Variants in SLC13A4 observed in about 807,000 individuals in gnomAD.
SLC13A4 encodes solute carrier family 13 member 4, also known as Na(+)/sulfate cotransporter SUT-1.
SLC13A4 carries 28 observed loss-of-function variants against 72.7 expected under a neutral mutation model. The observed-to-expected ratio is 0.39, with a 90% CI of 0.29 to 0.53. The LOEUF (loss-of-function observed/expected upper bound fraction) is 0.53. Ranked by LOEUF, SLC13A4 falls within the 20% of genes least tolerant of loss-of-function variation. The pLI is 0.78. For synonymous variants in SLC13A4, 312 were observed against 325.5 expected, an observed-to-expected ratio of 0.96 and a Z score of 0.45; for missense variants, 653 against 788.0, an observed-to-expected ratio of 0.83 and a Z score of 2.05.
intron 13 of SLC13A4, 77 bp downstream of exon 13, chr7:135,691,124 A>C: frequency 1.5e-6 from 2 of 1,365,350 alleles, no homozygotes; most frequent in Non-Finnish European, 2.0e-6. Flanking sequence ...AGATTGTGCC[A>C]CTGCACTCCA....
chr7:135,699,641 G>C (rs1377875732), intron 7 of SLC13A4, 93 bp from the exon 8 acceptor site: 2 of 1,159,930 alleles, frequency 1.7e-6, no homozygotes, highest in East Asian at 2.6e-5. Flanking sequence ...CAGCGGAAAG[G>C]GTTTGAGCTT....
chr7:135,709,984 GA>G (rs1796262203), intron 2 of SLC13A4, among the ~76,000 whole-genome samples: 1 of 152,148 alleles, frequency 6.6e-6, no homozygotes, highest in African/African-American at 2.4e-5. Context: ...ACACCTAGTA[GA>G]ATAATATGCA....
At chr7:135,709,425 TA>T (rs67676992) in intron 2 of SLC13A4, among the ~76,000 whole-genome samples, 4 of 147,390 alleles carry the variant, frequency 2.7e-5, no homozygotes, top group African/African-American at 7.5e-5. Flanking sequence ...CTTTTTTTTT[TA>T]AAAAAAAATT....
At chr7:135,705,822 A>G in intron 4 of SLC13A4, 172 bp from the exon 5 acceptor site, 1 of 629,966 alleles carries the variant, frequency 1.6e-6, no homozygotes, top group South Asian at 2.0e-5. Flanking sequence ...GACTGGCCCC[A>G]GGGTTTTGCA....
At chr7:135,686,464 C>A (rs925821182) in intron 13 of SLC13A4, among the ~76,000 whole-genome samples, 2 of 152,138 alleles carry the variant, frequency 1.3e-5, no homozygotes, top group African/African-American at 4.8e-5. Context: ...CAGTCTCAAC[C>A]TCCTGGGTTC....
At chr7:135,724,744 A>T (rs937810872) in intron 1 of SLC13A4, among the ~76,000 whole-genome samples, 5 of 152,200 alleles carry the variant, frequency 3.3e-5, no homozygotes, top group Admixed American at 1.3e-4. Flanking sequence ...TTTTCCTTAG[A>T]GTAGAAGAAT....
intron 1 of SLC13A4, among the ~76,000 whole-genome samples, chr7:135,725,931 C>T (rs3112366): frequency 0.62 from 94,045 of 152,040 alleles, 29,265 homozygotes; most frequent in East Asian, 0.68. Flanking sequence ...ATTGTGCCAC[C>T]GCACTCCGGA....
chr7:135,702,568 GT>G (rs1796063139), intron 6 of SLC13A4: 2 of 372,262 alleles, frequency 5.4e-6, no homozygotes, highest in Non-Finnish European at 1.0e-5. Context: ...TACAGGCGGG[GT>G]TTCACCATGT....
In SLC13A4 at chr7:135,705,576, G is replaced by T; in HGVS notation, c.593+20C>A. The T allele has an allele frequency of 6.2e-7, 1 of 1,612,932 alleles. No homozygotes were observed. The highest frequency in any genetic ancestry group is 1.3e-5 in the African/African-American group (1 of 75,028). Reference sequence around the variant, plus strand: ...ATGGACTCTGAGAGGCGCTGTCTGGGAGAGGGCAGTCATACTCACTCTTCA... The same window carrying T: ...ATGGACTCTGAGAGGCGCTGTCTGGTAGAGGGCAGTCATACTCACTCTTCA... On this transcript the variant is annotated intron_variant, in intron 5 of 15. Transcript: ENST00000682651.
intron 2 of SLC13A4, among the ~76,000 whole-genome samples, chr7:135,719,975 G>A (rs1269259211): frequency 6.7e-6 from 1 of 150,132 alleles, no homozygotes; most frequent in Non-Finnish European, 1.5e-5. Context: ...GAGAGAGAGA[G>A]AAAGAGAGAG....
intron 2 of SLC13A4, among the ~76,000 whole-genome samples, chr7:135,710,136 AT>A (rs1279271946): frequency 1.3e-5 from 2 of 152,240 alleles, no homozygotes; most frequent in African/African-American, 4.8e-5. Flanking sequence ...AAACAAGAAC[AT>A]TTTTAACTGC....
At chr7:135,709,154 A>G (rs150275968) in intron 2 of SLC13A4, among the ~76,000 whole-genome samples, 2,784 of 151,918 alleles carry the variant, frequency 0.018, 35 homozygotes, top group Non-Finnish European at 0.027. Flanking sequence ...GATGGTCTCA[A>G]TCTCCTGACC....
Position 135,708,180 on chromosome 7 carries a change from T to G in SLC13A4, c.299A>C (p.Glu100Ala). Residue 100 changes from glutamate (E) to alanine (A), a missense_variant, in exon 3 of 16, where the codon GAG (glutamate) becomes GCG (alanine). Physicochemically the swap from Glu to Ala is moderately radical, Grantham distance 107. Transcript: ENST00000682651. ...AATGCGCTTATGCAGGTTCCACTTCTCCACGGCAGCCGCCACGCAGATGAC... is the reference window on the plus strand; with the variant it reads ...AATGCGCTTATGCAGGTTCCACTTCGCCACGGCAGCCGCCACGCAGATGAC... Reference protein sequence around the residue: ...VGVICVAAAVEKWNLHKRIAL... With the variant: ...VGVICVAAAVAKWNLHKRIAL... 1.2e-6 allele frequency: 2 copies of G among 1,614,190 alleles called. No individual in the cohort carries two copies. The highest frequency in any genetic ancestry group is 1.7e-6 in the Non-Finnish European group (2 of 1,180,030).
intron 2 of SLC13A4, among the ~76,000 whole-genome samples, chr7:135,718,087 ACGCGCGCGCGCGCACG>A (rs1796469197): frequency 1.2e-5 from 1 of 83,408 alleles, no homozygotes; most frequent in South Asian, 4.3e-4. Flanking sequence ...ACACACACAC[ACGCGCGCGCGCGCACG>A]CGTGCGCGCT....
chr7:135,715,245 GTA>G (rs1395428387), intron 2 of SLC13A4, among the ~76,000 whole-genome samples: 7 of 151,810 alleles, frequency 4.6e-5, no homozygotes, highest in Non-Finnish European at 1.0e-4. Context: ...GTGTGTATGT[GTA>G]TGTGTATGAG....
chr7:135,723,369 C>T (rs1376439553), intron 1 of SLC13A4, among the ~76,000 whole-genome samples: 1 of 152,140 alleles, frequency 6.6e-6, no homozygotes, highest in Non-Finnish European at 1.5e-5. Context: ...CATCAGCTTG[C>T]CCTCTAGTTG....
In SLC13A4 at chr7:135,681,648, G is replaced by A; in HGVS notation, c.1799C>T (p.Ala600Val). ...NVIGLVIVMV[A>V]INTWGVSLFH... ...GAGGCTAACTCCCCAGGTGTTGATG[G>A]CCACCATTACTATCACCAGTCCAAT... Residue 600 changes from alanine (A) to valine (V), a missense_variant, in exon 16 of 16, where the codon GCC becomes GTC. Coordinates refer to ENST00000682651, the MANE Select transcript of SLC13A4 (RefSeq NM_001318192.2). 6.2e-7 allele frequency: 1 copy of A among 1,614,066 alleles called. No homozygotes were observed. The highest frequency in any genetic ancestry group is 1.7e-5 in the Admixed American group (1 of 60,022).
At chr7:135,692,987 G>A (rs1394823764) in intron 10 of SLC13A4, 1 of 150,888 alleles carries the variant, frequency 6.6e-6, no homozygotes, top group Non-Finnish European at 1.5e-5. Context: ...TGTAGTCCCA[G>A]TTACTCGGGA....
At chr7:135,692,046 T>TATA in intron 11 of SLC13A4, 1 of 475,322 alleles carries the variant, frequency 2.1e-6, no homozygotes, top group East Asian at 4.0e-5. Context: ...ACTTTATAGA[T>TATA]GTTTCCTCCT....
Sources: gnomAD v4.1 joint callset for allele counts (sites outside exome capture counted in the v4.1 genomes callset) on GRCh38, gnomAD v4.1.1 for gene constraint, MANE v1.5 for transcripts, NCBI Gene and HGNC (gene_info 2026-07-23, HGNC 2026-07-21) for gene names.